The following TBC1D22A variants were observed in gnomAD, a reference collection of about 807,000 sequenced individuals.
TBC1D22A encodes the protein putative GTPase activator.
Under a neutral mutation model 60.2 loss-of-function variants are expected in TBC1D22A, and 38 were observed. The observed-to-expected ratio is 0.63, with a 90% confidence interval of 0.49 to 0.83. The LOEUF is 0.83. Among genes scored for constraint, TBC1D22A ranks in the 40% least tolerant of loss-of-function variants. The pLI is 0.00. For synonymous variants in TBC1D22A, 302 were observed against 281.7 expected, an observed-to-expected ratio of 1.07 and a Z score of -0.72; for missense variants, 628 against 701.0, an observed-to-expected ratio of 0.90 and a Z score of 1.18.
chr22:47,011,466 C>T (rs2061749915), intron 10 of TBC1D22A, among the ~76,000 whole-genome samples: 1 of 152,140 alleles, frequency 6.6e-6, no homozygotes, highest in Non-Finnish European at 1.5e-5. Context: ...TCTTTTTTGG[C>T]TTCGACCACA....
chr22:46,884,293 G>C (rs990198467), intron 5 of TBC1D22A, among the ~76,000 whole-genome samples: 2 of 152,202 alleles, frequency 1.3e-5, no homozygotes, highest in African/African-American at 4.8e-5. Context: ...GTGACTTTGA[G>C]CAGGGACTTA....
chr22:46,795,949 G>A (rs2033827172), intron 3 of TBC1D22A, among the ~76,000 whole-genome samples: 1 of 152,194 alleles, frequency 6.6e-6, no homozygotes, highest in African/African-American at 2.4e-5. Context: ...AGGAGGGAGA[G>A]GGGGCACTGT....
chr22:47,003,264 T>C (rs2061454343), intron 10 of TBC1D22A, among the ~76,000 whole-genome samples: 1 of 152,038 alleles, frequency 6.6e-6, no homozygotes, highest in Non-Finnish European at 1.5e-5. Flanking sequence ...GAGTTCTGAG[T>C]GGGGTGAAGT....
chr22:47,111,369 T>C (rs774475835), intron 11 of TBC1D22A, 139 bp from the exon 12 acceptor site: 2 of 670,704 alleles, frequency 3.0e-6, no homozygotes, highest in Non-Finnish European at 5.1e-6. Context: ...ATTAAGGCAT[T>C]AAGTAAAAGT....
At chr22:47,141,139 C>CAGGGT (rs2067068970) in intron 12 of TBC1D22A, among the ~76,000 whole-genome samples, 1 of 152,178 alleles carries the variant, frequency 6.6e-6, no homozygotes, top group African/African-American at 2.4e-5. Context: ...CGAGCATGTG[C>CAGGGT]AGGGTTACTG....
intron 1 of TBC1D22A, among the ~76,000 whole-genome samples, chr22:46,785,989 C>G (rs1197215399): frequency 6.6e-6 from 1 of 152,152 alleles, no homozygotes; most frequent in Non-Finnish European, 1.5e-5. Context: ...ACTTTGTTGC[C>G]CAGACTGGTC....
intron 9 of TBC1D22A, among the ~76,000 whole-genome samples, chr22:46,994,187 TAAAAC>T (rs946090215): frequency 6.6e-6 from 1 of 152,186 alleles, no homozygotes. Flanking sequence ...AATTGAGAAA[TAAAAC>T]AAAACTGTGC....
At chr22:46,944,069 G>C (rs2072353300) in intron 8 of TBC1D22A, among the ~76,000 whole-genome samples, 3 of 152,156 alleles carry the variant, frequency 2.0e-5, no homozygotes, top group Admixed American at 1.3e-4. Context: ...ACCTAGGAGT[G>C]GAATTGCTGG....
chr22:47,030,047 A>G (rs1569357941), intron 10 of TBC1D22A, among the ~76,000 whole-genome samples: 2 of 152,206 alleles, frequency 1.3e-5, no homozygotes, highest in Non-Finnish European at 2.9e-5. Context: ...CATGCAAATG[A>G]GAAAGGAGGT....
intron 4 of TBC1D22A, among the ~76,000 whole-genome samples, chr22:46,872,910 G>C (rs1248163039): frequency 3.9e-5 from 6 of 152,162 alleles, no homozygotes; most frequent in African/African-American, 1.4e-4. Flanking sequence ...TGGGAATCGA[G>C]TGTTGGAGAG....
chr22:47,088,591 A>C (rs1405436678), intron 11 of TBC1D22A, among the ~76,000 whole-genome samples: 1 of 152,146 alleles, frequency 6.6e-6, no homozygotes, highest in African/African-American at 2.4e-5. Flanking sequence ...TTTTCCTGCT[A>C]ATCAAATTTT....
At chr22:46,790,595 G>T (rs151329119) in intron 1 of TBC1D22A, among the ~76,000 whole-genome samples, 3 of 152,008 alleles carry the variant, frequency 2.0e-5, no homozygotes, top group Admixed American at 1.3e-4. Context: ...ATTAGAAAAT[G>T]GACAAAGGGT....
intron 4 of TBC1D22A, among the ~76,000 whole-genome samples, chr22:46,802,052 G>A (rs1378864749): frequency 6.6e-6 from 1 of 152,228 alleles, no homozygotes; most frequent in Non-Finnish European, 1.5e-5. Flanking sequence ...ATGGCTGGCC[G>A]TGTCCTTACT....
At chr22:47,032,208 C>T (rs1245165038) in intron 10 of TBC1D22A, among the ~76,000 whole-genome samples, 1 of 151,850 alleles carries the variant, frequency 6.6e-6, no homozygotes, top group Non-Finnish European at 1.5e-5. Flanking sequence ...CAGCAGTCAC[C>T]TCATCCTCAT....
chr22:47,168,375 G>T (rs1305244874), intron 12 of TBC1D22A, among the ~76,000 whole-genome samples: 1 of 146,206 alleles, frequency 6.8e-6, no homozygotes, highest in Non-Finnish European at 1.5e-5. Context: ...ACCTGTTGAA[G>T]TAGTAGGTGG....
chr22:47,150,125 G>A (rs1569473932), intron 12 of TBC1D22A, among the ~76,000 whole-genome samples: 1 of 152,166 alleles, frequency 6.6e-6, no homozygotes, highest in African/African-American at 2.4e-5. Flanking sequence ...GAGTCCATGA[G>A]GAAAGGATAG....
intron 1 of TBC1D22A, chr22:46,789,577 T>C (rs1396635247): frequency 5.8e-6 from 1 of 171,364 alleles, no homozygotes; most frequent in Non-Finnish European, 1.3e-5. Context: ...TGTCAAGTTT[T>C]GCTGAAAAAT....
At chr22:47,036,103 G>C (rs2062648782) in intron 10 of TBC1D22A, among the ~76,000 whole-genome samples, 1 of 152,168 alleles carries the variant, frequency 6.6e-6, no homozygotes, top group Admixed American at 6.5e-5. Flanking sequence ...GAGAAGGGAG[G>C]TGTAACTTGG....
At position 46,990,636 on chromosome 22, in the gene TBC1D22A, C is replaced by T. The variant is rs9616190; in HGVS notation, c.1126-6998C>T. ...TGTCGTCCCCTGCCCTGAACACCCT[C>T]GTGCCCCGCCTGTTCATCCCCTTCC... On this transcript the variant is annotated intron_variant, in intron 9 of 12. Transcript: ENST00000337137. This position sits in a 1 kb window ranked among gnomAD's most constrained non-coding sequence, Gnocchi z 4.6. Among the ~76,000 whole-genome samples, 388 of 152,148 alleles carry T rather than the reference C, an allele frequency of 2.6e-3. 4 individuals carry two copies. Among genetic ancestry groups the T allele is most frequent in the Non-Finnish European group, 3.5e-3 (235 of 67,990 alleles).
Sources: allele counts gnomAD v4.1 joint callset (sites outside exome capture counted in the v4.1 genomes callset), GRCh38; gene constraint gnomAD v4.1.1; non-coding constraint Gnocchi (gnomAD v3.1); transcripts MANE v1.5; gene names NCBI Gene and HGNC (gene_info 2026-07-23, HGNC 2026-07-21).